The following ITGA7 variants were observed in gnomAD, a reference collection of about 807,000 sequenced individuals.
The protein encoded by ITGA7 is integrin subunit alpha 7.
Under a neutral mutation model 131.6 loss-of-function variants are expected in ITGA7, and 84 were observed. That is an observed-to-expected ratio of 0.64 (90% CI 0.54 to 0.77). ITGA7 has a LOEUF of 0.77. ITGA7 is among the 30% of genes least tolerant of loss of function. The probability of loss-of-function intolerance (pLI) is 0.00; values close to 1 mark genes in which losing one functional copy is unlikely to be tolerated. For synonymous variants in ITGA7, 548 were observed against 600.7 expected, an observed-to-expected ratio of 0.91 and a Z score of 1.28; for missense variants, 1,399 against 1,482.9, an observed-to-expected ratio of 0.94 and a Z score of 0.93.
chr12:55,686,882 T>C (rs575501344), intron 24 of ITGA7, among the ~76,000 whole-genome samples: 1 of 152,302 alleles, frequency 6.6e-6, no homozygotes, highest in African/African-American at 2.4e-5. Flanking sequence ...TTTCCAGTTT[T>C]CACTGCCACA....
chr12:55,708,121 TCCC>T, upstream of ITGA7: 2 of 815,406 alleles, frequency 2.5e-6, no homozygotes, highest in Non-Finnish European at 3.0e-6. Context: ...CCTCCCCTTC[TCCC>T]CCAACCCCAT....
rs549027234 is a variant in ITGA7, at chr12:55,696,526, T to C, written c.1738-94A>G. ...CAGACCTAGGACCAATTCTAAAACT[T>C]GGAAAGAATATTAGGGAGATGAATG... is the stretch of plus-strand genomic sequence containing the variant. On this transcript the variant is annotated intron_variant, in intron 12 of 24. Transcript: ENST00000257879. The C allele has an allele frequency of 6.4e-5, 88 of 1,368,148 alleles. 1 individual carries two copies. The East Asian group carries it at 2.2e-3, about 34-fold the overall frequency. 84.8% of individuals were successfully genotyped at this position (1,368,148 alleles called of 1,614,324 possible).
intron 3 of ITGA7, 97 bp downstream of exon 3, chr12:55,702,775 T>C: frequency 9.8e-7 from 1 of 1,020,414 alleles, no homozygotes; most frequent in Non-Finnish European, 1.5e-6. Context: ...TATTCCTAAC[T>C]TGTGTTCTCT....
In ITGA7 at chr12:55,697,692, C is replaced by G. The variant is rs747722207; in HGVS notation, c.1409+3G>C. 2 of 1,614,048 alleles carry G rather than the reference C, an allele frequency of 1.2e-6. No homozygotes were observed. Among genetic ancestry groups the G allele is most frequent in the East Asian group, 2.2e-5 (1 of 44,902 alleles). On this transcript the variant is annotated splice_donor_region_variant and intron_variant, in intron 9 of 24. Coordinates refer to ENST00000257879, the MANE Select transcript of ITGA7 (RefSeq NM_002206.3). ...GGGAGGGAAAAGGTTGAGAGGGGCTCACCTGAAGAGCACTGCGGTGTCAGC... is the reference window on the plus strand; with the variant it reads ...GGGAGGGAAAAGGTTGAGAGGGGCTGACCTGAAGAGCACTGCGGTGTCAGC...
Position 55,698,803 on chromosome 12 carries a change from G to A in ITGA7, c.905C>T (p.Ala302Val). Residue 302 changes from alanine to valine, a missense_variant, in exon 6 of 25, where the codon GCC becomes GTC. By Grantham distance (64) the Ala-to-Val change is moderately conservative (BLOSUM62 0). Coordinates refer to ENST00000257879, the MANE Select transcript of ITGA7 (RefSeq NM_002206.3). ...CATAACCTCGGGCACCAGGCGACTG[G>A]CGCTGTCCTTGCGCAGGATGACCAC... ...GAVVILRKDSASRLVPEVMLS... is the reference protein window; with the variant it reads ...GAVVILRKDSVSRLVPEVMLS... The A allele has an allele frequency of 6.2e-7, 1 of 1,614,118 alleles. No individual in the cohort carries two copies. Among genetic ancestry groups the A allele is most frequent in the Non-Finnish European group, 8.5e-7 (1 of 1,180,032 alleles).
In ITGA7 at chr12:55,707,652, C is replaced by T. The variant is rs555350458; in HGVS notation, c.31G>A (p.Gly11Arg). The part of the protein sequence containing the change: MAGARSRDPW[G>R]ASGICYLFGS... ...AAAAGGTAGCAAATCCCGGAGGCCC[C>T]CCAAGGGTCGCGGCTCCGAGCCCCG... The change falls in exon 1 of 25, where the codon GGG (glycine) becomes AGG (arginine). Residue 11 changes from glycine (G) to arginine (R), a missense_variant. Gly to Arg is a moderately radical substitution (Grantham distance 125, BLOSUM62 -2). Coordinates refer to ENST00000257879, the MANE Select transcript of ITGA7 (RefSeq NM_002206.3). The T allele has an allele frequency of 9.4e-6, 15 of 1,594,102 alleles. No individual in the cohort carries two copies. In the East Asian group the frequency reaches 3.2e-4, roughly 34 times the overall value.
At chr12:55,687,261 T>A (rs1870385572) in intron 24 of ITGA7, among the ~76,000 whole-genome samples, 1 of 121,510 alleles carries the variant, frequency 8.2e-6, no homozygotes, top group South Asian at 3.0e-4. Context: ...CACTGCAACC[T>A]CCACCTCCCG....
At chr12:55,703,237 T>A in intron 1 of ITGA7, 59 bp from the exon 2 acceptor site, 1 of 1,582,232 alleles carries the variant, frequency 6.3e-7, no homozygotes, top group Non-Finnish European at 8.6e-7. Context: ...AATGACCCAA[T>A]CTCATTAGAG....
At chr12:55,710,947 T>A (rs1876053090), upstream of ITGA7, among the ~76,000 whole-genome samples, 1 of 152,140 alleles carries the variant, frequency 6.6e-6, no homozygotes, top group South Asian at 2.1e-4. Context: ...TTGATTGTGG[T>A]GGTGATTATC....
intron 22 of ITGA7, 91 bp downstream of exon 22, chr12:55,688,753 T>G: frequency 2.1e-6 from 2 of 967,774 alleles, no homozygotes; most frequent in Non-Finnish European, 3.3e-6. Context: ...GGATGCTGCA[T>G]TTGGACAGTG....
At chr12:55,701,292 C>T (rs1173007889) in intron 3 of ITGA7, 138 bp from the exon 4 acceptor site, 14 of 1,573,310 alleles carry the variant, frequency 8.9e-6, no homozygotes, top group Non-Finnish European at 1.2e-5. Context: ...CATACACACA[C>T]ACCCCTATGC....
In ITGA7 at chr12:55,694,104, G is replaced by A. The variant is rs137872276; in HGVS notation, c.2452C>T (p.Leu818Phe). The change falls in exon 19 of 25, where the codon CTC becomes TTC. Residue 818 changes from leucine (L) to phenylalanine (F), a missense_variant. Transcript: ENST00000257879. The surrounding 1 kb of genome is among the most constrained non-coding windows in gnomAD (Gnocchi z 5.3). The stretch of plus-strand genomic sequence containing the variant: ...CCCCTCACCACACCAGAGAAGAAGA[G>A]TTGCTGGGGAATGGCCATTCTGGCG... ...SIAGMAIPQQ[L>F]FFSGVVRGER... 2.8e-5 allele frequency: 46 copies of A among 1,614,128 alleles called. No homozygotes were observed. Among genetic ancestry groups the A allele is most frequent in the Non-Finnish European group, 3.7e-5 (44 of 1,180,044 alleles).
upstream of ITGA7, among the ~76,000 whole-genome samples, chr12:55,708,765 C>G (rs1473525515): frequency 1.3e-5 from 2 of 152,148 alleles, no homozygotes; most frequent in East Asian, 3.9e-4. Flanking sequence ...AGACCCGTCC[C>G]AGGACTGCAC....
chr12:55,693,360 CTT>C (rs56890747), intron 19 of ITGA7, 43 bp from the exon 20 acceptor site: 15,555 of 1,195,072 alleles, frequency 0.013, no homozygotes, highest in Non-Finnish European at 0.014. Context: ...CTCAGTTTTT[CTT>C]TTTTTTTTTT....
At position 55,697,056 on chromosome 12, in the gene ITGA7, A is replaced by C. The variant is rs1872769524; in HGVS notation, c.1580T>G (p.Val527Gly). 1.2e-6 allele frequency: 2 copies of C among 1,613,896 alleles called. No homozygotes were observed. The highest frequency in any genetic ancestry group is 1.7e-6 in the Non-Finnish European group (2 of 1,179,914). ...CCTCCGGTCTGTGTCCGCATCTAACACATAGTCCAGGGCTGTGGCATGTTG... is the reference window on the plus strand; with the variant it reads ...CCTCCGGTCTGTGTCCGCATCTAACCCATAGTCCAGGGCTGTGGCATGTTG... ...SYSPTVALDYVLDADTDRRLR... is the reference protein window; with the variant it reads ...SYSPTVALDYGLDADTDRRLR... The change falls in exon 12 of 25, where the codon GTG becomes GGG. Residue 527 changes from valine (V) to glycine (G), a missense_variant. Val to Gly is a moderately radical substitution (Grantham distance 109). Coordinates refer to ENST00000257879, the MANE Select transcript of ITGA7 (RefSeq NM_002206.3).
intron 12 of ITGA7, among the ~76,000 whole-genome samples, chr12:55,696,635 T>G (rs556351518): frequency 1.1e-3 from 162 of 151,926 alleles, no homozygotes; most frequent in African/African-American, 3.8e-3. Context: ...GAGGACCAGA[T>G]GTGATGATAA....
rs150004156 is a variant in ITGA7, at chr12:55,697,970, T to C, written c.1249A>G (p.Ser417Gly). ...GGTTTGGCGACAACCCCCAGGCTGCTCCCATGGTAGATGAAGACTTTCCCA... is the reference window on the plus strand; with the variant it reads ...GGTTTGGCGACAACCCCCAGGCTGCCCCCATGGTAGATGAAGACTTTCCCA... ...GDGKVFIYHG[S>G]SLGVVAKPSQ... The change falls in exon 8 of 25, where the codon AGC becomes GGC. Residue 417 changes from serine (S) to glycine (G), a missense_variant. Ser to Gly is a moderately conservative substitution (Grantham distance 56). Transcript: ENST00000257879. The C allele has an allele frequency of 1.2e-4, 197 of 1,613,922 alleles. No individual in the cohort carries two copies. The highest frequency in any genetic ancestry group is 1.6e-4 in the Non-Finnish European group (185 of 1,180,024).
chr12:55,697,667 G>A, intron 9 of ITGA7, 28 bp downstream of exon 9: 1 of 1,614,172 alleles, frequency 6.2e-7, no homozygotes, highest in Non-Finnish European at 8.5e-7. Context: ...GACGGCCTCA[G>A]GGAGGGAAAA....
At position 55,685,064 on chromosome 12, in the gene ITGA7, G is replaced by A. The variant is rs778276408; in HGVS notation, c.3408C>T (p.Thr1136=). Residue 1136 remains threonine, a synonymous_variant, in exon 25 of 25, where the codon ACC becomes ACT. Coordinates refer to ENST00000257879, the MANE Select transcript of ITGA7 (RefSeq NM_002206.3). ...LGPDGHPGPG[T]A is the part of the protein sequence containing the mutation. ...CAGGCTGGGACATGGGAACCTAGGCGGTGCCTGGCCCTGGATGCCCATCGG... is the reference window on the plus strand; with the variant it reads ...CAGGCTGGGACATGGGAACCTAGGCAGTGCCTGGCCCTGGATGCCCATCGG... 26 of 1,584,276 alleles carry A rather than the reference G, an allele frequency of 1.6e-5. No homozygotes were observed. The highest frequency in any genetic ancestry group is 1.7e-4 in the Middle Eastern group (1 of 5,792).
Sources: gnomAD v4.1 joint callset for allele counts (sites outside exome capture counted in the v4.1 genomes callset) on GRCh38, gnomAD v4.1.1 for gene constraint, Gnocchi (gnomAD v3.1) non-coding constraint, MANE v1.5 for transcripts, NCBI Gene and HGNC (gene_info 2026-07-23, HGNC 2026-07-21) for gene names.